BRAF: variants seen among roughly 807,000 people sequenced by gnomAD.
BRAF encodes B-Raf proto-oncogene, serine/threonine kinase, also known as serine/threonine-protein kinase B-raf.
BRAF carries 16 observed loss-of-function variants against 104.6 expected under a neutral mutation model. The ratio of observed to expected loss-of-function variants is 0.15; its 90% CI spans 0.10 to 0.23. The LOEUF (loss-of-function observed/expected upper bound fraction) is 0.23. Ranked by LOEUF, BRAF falls within the 10% of genes least tolerant of loss-of-function variation. BRAF has a pLI of 1.00. For synonymous variants in BRAF, 310 were observed against 341.6 expected, an observed-to-expected ratio of 0.91 and a Z score of 1.02; for missense variants, 541 against 937.3, an observed-to-expected ratio of 0.58 and a Z score of 5.52.
chr7:140,834,799 T>C lies in BRAF; in HGVS notation c.314A>G (p.Asn105Ser). The C allele has an allele frequency of 1.2e-6, 2 of 1,614,172 alleles. No homozygotes were observed. The highest frequency in any genetic ancestry group is 1.6e-4 in the Middle Eastern group (1 of 6,062). The part of the protein sequence containing the change: ...REQQLLESLG[N>S]GTDFSVSSSA... ...GCTAGAAACAGAAAAATCAGTTCCG[T>C]TCCCCAGAGATTCCAATAACTGTTG... is the stretch of plus-strand genomic sequence containing the variant. Residue 105 changes from asparagine (N) to serine (S), a missense_variant, in exon 3 of 20, where the codon AAC (asparagine) becomes AGC (serine). Physicochemically the swap from Asn to Ser is conservative, Grantham distance 46 (BLOSUM62 1). Coordinates refer to ENST00000644969, the MANE Select transcript of BRAF (RefSeq NM_001374258.1).
At chr7:140,829,208 G>GA (rs1806428101) in intron 3 of BRAF, among the ~76,000 whole-genome samples, 1 of 144,020 alleles carries the variant, frequency 6.9e-6, no homozygotes, top group African/African-American at 2.5e-5. Flanking sequence ...GTGGGGGGGG[G>GA]CATACATAAT....
At chr7:140,883,730 A>G (rs1487639666) in intron 1 of BRAF, among the ~76,000 whole-genome samples, 1 of 152,198 alleles carries the variant, frequency 6.6e-6, no homozygotes, top group Non-Finnish European at 1.5e-5. Context: ...CTGCTCACTA[A>G]CTGAAACTAA....
At chr7:140,923,084 T>C (rs1047908250) in intron 1 of BRAF, among the ~76,000 whole-genome samples, 1 of 152,122 alleles carries the variant, frequency 6.6e-6, no homozygotes, top group Non-Finnish European at 1.5e-5. Context: ...ACAGAACACA[T>C]TTTGGGCATG....
At chr7:140,761,958 C>T (rs2129006196) in intron 14 of BRAF, among the ~76,000 whole-genome samples, 1 of 152,330 alleles carries the variant, frequency 6.6e-6, no homozygotes, top group African/African-American at 2.4e-5. Context: ...TAACATCCCA[C>T]TGTCAACATT....
chr7:140,775,535 C>CT (rs1800256534), intron 14 of BRAF, among the ~76,000 whole-genome samples: 1 of 151,942 alleles, frequency 6.6e-6, no homozygotes, highest in South Asian at 2.1e-4. Context: ...GACGGGGTTT[C>CT]TCCATGTTGG....
chr7:140,907,888 G>A (rs557280446), intron 1 of BRAF, among the ~76,000 whole-genome samples: 4 of 152,080 alleles, frequency 2.6e-5, no homozygotes, highest in Non-Finnish European at 5.9e-5. Context: ...GGGATTACAG[G>A]TGCACCTCAC....
intron 3 of BRAF, among the ~76,000 whole-genome samples, chr7:140,822,751 T>C (rs183433287): frequency 1.1e-3 from 171 of 152,358 alleles, no homozygotes; most frequent in African/African-American, 3.8e-3. Flanking sequence ...CAAATCTTTC[T>C]ACGAACATAT....
At chr7:140,836,626 T>G (rs1055375024) in intron 2 of BRAF, among the ~76,000 whole-genome samples, 1 of 152,172 alleles carries the variant, frequency 6.6e-6, no homozygotes, top group Non-Finnish European at 1.5e-5. Context: ...ACAGATAGAT[T>G]CCAAATTTTC....
At chr7:140,734,810 A>T (rs1476654039) in intron 18 of BRAF, 40 bp from the exon 18 acceptor site, 2 of 1,451,446 alleles carry the variant, frequency 1.4e-6, no homozygotes, top group Non-Finnish European at 1.8e-6. Flanking sequence ...AAAAAAAGAA[A>T]AAAGAAAAAA....
intron 19 of BRAF, chr7:140,733,595 A>C (rs554254439): frequency 6.6e-6 from 1 of 152,246 alleles, no homozygotes; most frequent in African/African-American, 2.4e-5. Context: ...TTCATTCATC[A>C]TAAGTAGAAT....
rs1405185459 is a variant in BRAF, at chr7:140,734,784, A to AG, written c.2248-15_2248-14insC. On this transcript the variant is annotated splice_polypyrimidine_tract_variant and intron_variant, in intron 18 of 19. Coordinates refer to ENST00000644969, the MANE Select transcript of BRAF (RefSeq NM_001374258.1). Reference sequence around the variant, plus strand: ...AGAGGCGAGAATCTACAAAAAAAAAAAGAAAAAAAAAAGAAAAAAAAAGAA... The same window carrying AG: ...AGAGGCGAGAATCTACAAAAAAAAAAGAGAAAAAAAAAAGAAAAAAAAAGAA... 1.5e-6 allele frequency: 2 copies of AG among 1,337,348 alleles called. No individual in the cohort carries two copies. The highest frequency in any genetic ancestry group is 1.9e-6 in the Non-Finnish European group (2 of 1,026,002). 82.8% of individuals were successfully genotyped at this position (1,337,348 alleles called of 1,614,324 possible).
At chr7:140,824,339 A>C (rs981696892) in intron 3 of BRAF, 1 of 152,170 alleles carries the variant, frequency 6.6e-6, no homozygotes, top group African/African-American at 2.4e-5. Flanking sequence ...GTATAAGGGA[A>C]GGGTACCACT....
chr7:140,858,521 G>A (rs939965978), intron 1 of BRAF, among the ~76,000 whole-genome samples: 3 of 152,130 alleles, frequency 2.0e-5, no homozygotes. Context: ...CATTTCATGG[G>A]AGAACAAAAC....
intron 17 of BRAF, among the ~76,000 whole-genome samples, chr7:140,745,031 CAG>C (rs1186522390): frequency 6.6e-6 from 1 of 151,936 alleles, no homozygotes; most frequent in Non-Finnish European, 1.5e-5. Context: ...AGTTCTGTGA[CAG>C]AAACAATACA....
At chr7:140,753,770 C>T (rs948118909) in intron 15 of BRAF, 1 of 311,722 alleles carries the variant, frequency 3.2e-6, no homozygotes. Context: ...CAGATAGTAT[C>T]TTAGTCTGCA....
Position 140,721,567 on chromosome 7 carries a change from C to G in BRAF, c.*4927G>C. Reference sequence around the variant, plus strand: ...ATTTTACCAGAGCTAGCAACATGGACCACAGATATACTGGTGACTCCGCTC... The same window carrying G: ...ATTTTACCAGAGCTAGCAACATGGAGCACAGATATACTGGTGACTCCGCTC... On this transcript the variant is annotated 3_prime_UTR_variant, in exon 20 of 20. Coordinates refer to ENST00000644969, the MANE Select transcript of BRAF (RefSeq NM_001374258.1). 1.3e-6 allele frequency: 2 copies of G among 1,510,258 alleles called. No individual in the cohort carries two copies. Among genetic ancestry groups the G allele is most frequent in the South Asian group, 2.5e-5 (2 of 79,600 alleles). The allele number at this position is 1,510,258 out of a possible 1,614,324, so 93.6% of individuals were successfully genotyped here.
At chr7:140,887,028 T>C (rs528121194) in intron 1 of BRAF, among the ~76,000 whole-genome samples, 44 of 152,318 alleles carry the variant, frequency 2.9e-4, no homozygotes, top group South Asian at 6.2e-4. Context: ...GAGTCTGAAC[T>C]ATTGTTGAGG....
intron 1 of BRAF, among the ~76,000 whole-genome samples, chr7:140,883,310 A>C (rs1040074347): frequency 4.6e-5 from 7 of 152,146 alleles, no homozygotes; most frequent in African/African-American, 1.7e-4. Context: ...TGTTCTCCCC[A>C]CAGGGCAATT....
chr7:140,757,434 C>A (rs556832097), intron 14 of BRAF, among the ~76,000 whole-genome samples: 3 of 151,956 alleles, frequency 2.0e-5, no homozygotes, highest in Non-Finnish European at 2.9e-5. Context: ...GGACTACAGG[C>A]GCGCGCCACC....
Sources: gnomAD v4.1 joint callset for allele counts (sites outside exome capture counted in the v4.1 genomes callset) on GRCh38, gnomAD v4.1.1 for gene constraint, MANE v1.5 for transcripts, NCBI Gene and HGNC (gene_info 2026-07-23, HGNC 2026-07-21) for gene names.